The following LRP6 variants were observed in gnomAD, a reference collection of about 807,000 sequenced individuals.
The protein encoded by LRP6 is LDL receptor related protein 6, also known as low-density lipoprotein receptor-related protein 6.
Under a neutral mutation model 184.1 loss-of-function variants are expected in LRP6, and 43 were observed. The ratio of observed to expected loss-of-function variants is 0.23; its 90% CI spans 0.18 to 0.30. LRP6 has a LOEUF of 0.30. LRP6 is among the 10% of genes least tolerant of loss of function. LRP6 has a pLI of 1.00. For synonymous variants in LRP6, 719 were observed against 684.9 expected, an observed-to-expected ratio of 1.05 and a Z score of -0.78; for missense variants, 1,571 against 2,005.3, an observed-to-expected ratio of 0.78 and a Z score of 4.14.
chr12:12,241,838 T>C (rs575956326), intron 2 of LRP6, among the ~76,000 whole-genome samples: 175 of 152,304 alleles, frequency 1.1e-3, no homozygotes, highest in Middle Eastern at 3.4e-3. Context: ...TCCAATAATC[T>C]TTTTTATCAG....
intron 1 of LRP6, among the ~76,000 whole-genome samples, chr12:12,256,149 T>C (rs753086709): frequency 2.6e-5 from 4 of 152,198 alleles, no homozygotes; most frequent in Non-Finnish European, 5.9e-5. Context: ...TTTCTTACTC[T>C]AGATATGAAT....
At position 12,179,813 on chromosome 12, in the gene LRP6, A is replaced by G; in HGVS notation, c.1542T>C (p.Ile514=). ...IYWGDAKTDK[I]EVMNTDGTGR... ...AATGAAAAAGCAAAAAACAAACCTCAATCTTGTCTGTTTTGGCATCTCCCC... is the reference window on the plus strand; with the variant it reads ...AATGAAAAAGCAAAAAACAAACCTCGATCTTGTCTGTTTTGGCATCTCCCC... The change falls in exon 7 of 23, where the codon ATT becomes ATC. Residue 514 remains isoleucine (I), a synonymous_variant. Coordinates refer to ENST00000261349, the MANE Select transcript of LRP6 (RefSeq NM_002336.3). 6.2e-7 allele frequency: 1 copy of G among 1,613,742 alleles called. No homozygotes were observed.
intron 2 of LRP6, among the ~76,000 whole-genome samples, chr12:12,207,483 A>C (rs1864093138): frequency 6.6e-6 from 1 of 152,148 alleles, no homozygotes; most frequent in African/African-American, 2.4e-5. Flanking sequence ...GCAGTGAGCC[A>C]AGATTGCACC....
rs537156062 is a variant in LRP6, at chr12:12,266,991, T to A, written c.-256A>T. 2 of 519,838 alleles carry A rather than the reference T, an allele frequency of 3.8e-6. No individual in the cohort carries two copies. Among genetic ancestry groups the A allele is most frequent in the Non-Finnish European group, 6.7e-6 (2 of 297,688 alleles). 32.2% of individuals were successfully genotyped at this position (519,838 alleles called of 1,614,324 possible). On this transcript the variant is annotated 5_prime_UTR_variant, in exon 1 of 23. Coordinates refer to ENST00000261349, the MANE Select transcript of LRP6 (RefSeq NM_002336.3). Reference sequence around the variant, plus strand: ...CCGCCTCCTCCCCCGGCGCCCCGCTTCCCCCGCGCAGCTCCTCATTCAGCC... The same window carrying A: ...CCGCCTCCTCCCCCGGCGCCCCGCTACCCCCGCGCAGCTCCTCATTCAGCC...
chr12:12,260,050 T>A (rs1226351576), intron 1 of LRP6, among the ~76,000 whole-genome samples: 1 of 152,202 alleles, frequency 6.6e-6, no homozygotes, highest in East Asian at 1.9e-4. Context: ...TTTATAATAA[T>A]CATCACCTAA....
chr12:12,267,009 A>C lies in LRP6; in HGVS notation c.-274T>G. ...CCCCGCTTCCCCCGCGCAGCTCCTC[A>C]TTCAGCCTCTGCCTCGCGCAGCGGC... On this transcript the variant is annotated 5_prime_UTR_variant, in exon 1 of 23. It removes an upstream start codon present in the reference 5' UTR. Transcript: ENST00000261349. 4 of 495,410 alleles carry C rather than the reference A, an allele frequency of 8.1e-6. No individual in the cohort carries two copies. Among genetic ancestry groups the C allele is most frequent in the Admixed American group, 4.2e-5 (1 of 24,014 alleles). 30.7% of individuals were successfully genotyped at this position (495,410 alleles called of 1,614,324 possible). A position where few individuals can be genotyped will look rare whatever the true frequency, so the allele number is the denominator to read the frequency against.
chr12:12,127,032 A>T, intron 19 of LRP6, 111 bp from the exon 20 acceptor site: 2 of 882,248 alleles, frequency 2.3e-6, no homozygotes, highest in Non-Finnish European at 3.7e-6. Context: ...CCTAATGAAG[A>T]TAATTCATAA....
chr12:12,130,636 CAT>C (rs1346052070), intron 19 of LRP6, 145 bp downstream of exon 19: 5 of 625,080 alleles, frequency 8.0e-6, no homozygotes, highest in African/African-American at 5.6e-5. Flanking sequence ...GAAAGCAAAA[CAT>C]AAAAAAACCT....
At chr12:12,217,148 G>A (rs961234863) in intron 2 of LRP6, among the ~76,000 whole-genome samples, 3 of 152,178 alleles carry the variant, frequency 2.0e-5, no homozygotes, top group Non-Finnish European at 4.4e-5. Context: ...AGTGAGCAAA[G>A]CTTCATCTGT....
intron 12 of LRP6, among the ~76,000 whole-genome samples, chr12:12,152,629 C>T (rs1950097798): frequency 6.6e-6 from 1 of 152,080 alleles, no homozygotes; most frequent in African/African-American, 2.4e-5. Context: ...AAGTCTAAGG[C>T]CATTTTTTAA....
intron 15 of LRP6, among the ~76,000 whole-genome samples, chr12:12,146,707 T>A (rs1950012101): frequency 6.6e-6 from 1 of 152,180 alleles, no homozygotes; most frequent in South Asian, 2.1e-4. Context: ...AGTAAAGCAG[T>A]GACATTAAAA....
intron 1 of LRP6, among the ~76,000 whole-genome samples, chr12:12,248,488 T>G (rs2135925544): frequency 7.3e-6 from 1 of 137,110 alleles, no homozygotes; most frequent in Non-Finnish European, 1.6e-5. Flanking sequence ...TTTTTTTTTT[T>G]TTTTTTTTTT....
intron 2 of LRP6, among the ~76,000 whole-genome samples, chr12:12,225,833 T>C (rs117299638): frequency 0.041 from 6,214 of 151,048 alleles, 177 homozygotes; most frequent in Middle Eastern, 0.16. Flanking sequence ...GATCACACCA[T>C]TGCACTCTAA....
At chr12:12,143,706 C>T (rs1949964354) in intron 15 of LRP6, among the ~76,000 whole-genome samples, 1 of 152,150 alleles carries the variant, frequency 6.6e-6, no homozygotes, top group African/African-American at 2.4e-5. Context: ...CCCTGCCTCA[C>T]ACTACACACC....
intron 2 of LRP6, among the ~76,000 whole-genome samples, chr12:12,236,452 C>T (rs1591975550): frequency 6.6e-6 from 1 of 152,306 alleles, no homozygotes; most frequent in East Asian, 1.9e-4. Flanking sequence ...CATAACAGAA[C>T]ATTTCTGACA....
At chr12:12,161,955 A>ATTG (rs1862752148) in intron 10 of LRP6, among the ~76,000 whole-genome samples, 1 of 96,532 alleles carries the variant, frequency 1.0e-5, no homozygotes, top group Admixed American at 1.1e-4. Flanking sequence ...AGTAACATTT[A>ATTG]TTAACCCATT....
At chr12:12,126,004 C>T (rs1356941037) in intron 20 of LRP6, among the ~76,000 whole-genome samples, 1 of 152,192 alleles carries the variant, frequency 6.6e-6, no homozygotes, top group African/African-American at 2.4e-5. Context: ...CCATGTTTGT[C>T]TACTTAAGAG....
intron 4 of LRP6, among the ~76,000 whole-genome samples, chr12:12,186,371 T>G (rs531125940): frequency 6.6e-6 from 1 of 152,114 alleles, no homozygotes; most frequent in East Asian, 1.9e-4. Context: ...TAACCTGAAT[T>G]ATACTTTTAC....
At chr12:12,266,552 CACGACCAGG>C in intron 1 of LRP6, 120 bp downstream of exon 1, 11 of 839,934 alleles carry the variant, frequency 1.3e-5, no homozygotes, top group South Asian at 3.3e-5. Flanking sequence ...TCCCCCTCCC[CACGACCAGG>C]CCTCTCCCCG....
Sources: gnomAD v4.1 joint callset for allele counts (sites outside exome capture counted in the v4.1 genomes callset) on GRCh38, gnomAD v4.1.1 for gene constraint, MANE v1.5 for transcripts, NCBI Gene and HGNC (gene_info 2026-07-23, HGNC 2026-07-21) for gene names.